The following CDKAL1 variants were observed in gnomAD, a reference collection of about 807,000 sequenced individuals.
The protein encoded by CDKAL1 is threonylcarbamoyladenosine tRNA methylthiotransferase.
A neutral mutation model predicts 68.2 loss-of-function variants in CDKAL1; 32 were observed. The observed-to-expected ratio is 0.47, with a 90% confidence interval of 0.35 to 0.63. The LOEUF is 0.63. Ranked by LOEUF, CDKAL1 falls within the 30% of genes least tolerant of loss-of-function variation. The pLI is 0.00. For missense variants in CDKAL1, 606 were observed against 696.7 expected, an observed-to-expected ratio of 0.87 and a Z score of 1.47; for synonymous variants, 234 against 244.3, an observed-to-expected ratio of 0.96 and a Z score of 0.39.
chr6:21,162,887 C>G (rs1776984619), intron 13 of CDKAL1, among the ~76,000 whole-genome samples: 1 of 151,934 alleles, frequency 6.6e-6, no homozygotes, highest in Admixed American at 6.6e-5. Context: ...ATGATCACAC[C>G]TATGTATAGC....
chr6:20,855,528 T>C (rs1326623358), intron 9 of CDKAL1, among the ~76,000 whole-genome samples: 1 of 148,460 alleles, frequency 6.7e-6, no homozygotes, highest in East Asian at 2.0e-4. Context: ...TATTGGGTGC[T>C]AAGACAATAC....
At chr6:21,083,977 TA>T (rs1345929937) in intron 12 of CDKAL1, among the ~76,000 whole-genome samples, 1 of 152,222 alleles carries the variant, frequency 6.6e-6, no homozygotes, top group Admixed American at 6.5e-5. Context: ...TCGGCGATGC[TA>T]AATTTGATCA....
intron 8 of CDKAL1, among the ~76,000 whole-genome samples, chr6:20,799,028 G>A (rs1368417565): frequency 8.7e-6 from 1 of 115,002 alleles, no homozygotes; most frequent in African/African-American, 3.3e-5. Context: ...CCATATATTT[G>A]AAAAGAACTG....
At position 20,609,317 on chromosome 6, in the gene CDKAL1, C is replaced by G. The variant is rs1187644669; in HGVS notation, c.287-39976C>G. 6.0e-5 allele frequency among the ~76,000 whole-genome samples: 4 copies of G among 66,680 alleles called. No homozygotes were observed. In the South Asian group the frequency reaches 2.1e-3, roughly 35 times the overall value. The allele number at this position is 66,680 out of a possible 152,430, so 43.7% of individuals were successfully genotyped here. On this transcript the variant is annotated intron_variant, in intron 4 of 15. Coordinates refer to ENST00000274695, the MANE Select transcript of CDKAL1 (RefSeq NM_017774.3). ...CTCCTTCTCCTCCTCCTCCTCCCCCCTCCTCTCTCCCTCCTCCCTCTCTTT... is the reference window on the plus strand; with the variant it reads ...CTCCTTCTCCTCCTCCTCCTCCCCCGTCCTCTCTCCCTCCTCCCTCTCTTT...
At chr6:21,095,489 G>A (rs560148492) in intron 12 of CDKAL1, among the ~76,000 whole-genome samples, 38 of 152,304 alleles carry the variant, frequency 2.5e-4, no homozygotes, top group South Asian at 1.7e-3. Context: ...TAGAATGGGT[G>A]CAAGGGGAAA....
intron 9 of CDKAL1, among the ~76,000 whole-genome samples, chr6:20,881,401 A>G (rs1182763293): frequency 1.3e-5 from 2 of 152,230 alleles, no homozygotes; most frequent in African/African-American, 4.8e-5. Flanking sequence ...TGATATATAA[A>G]TTGATAAACT....
intron 9 of CDKAL1, among the ~76,000 whole-genome samples, chr6:20,862,791 CT>C (rs1759714761): frequency 6.6e-6 from 1 of 152,154 alleles, no homozygotes; most frequent in African/African-American, 2.4e-5. Context: ...CTTTGGGAGG[CT>C]GAGGTGGGTG....
At chr6:21,038,725 T>G (rs1582076461) in intron 11 of CDKAL1, among the ~76,000 whole-genome samples, 1 of 152,282 alleles carries the variant, frequency 6.6e-6, no homozygotes, top group African/African-American at 2.4e-5. Context: ...TAATGTATTT[T>G]ATGTATGGCC....
At chr6:20,731,308 A>C (rs988556149) in intron 5 of CDKAL1, among the ~76,000 whole-genome samples, 3 of 152,222 alleles carry the variant, frequency 2.0e-5, no homozygotes, top group Non-Finnish European at 4.4e-5. Context: ...AAGGGAATGA[A>C]GATGGAAGGC....
At chr6:20,977,887 A>G (rs929243253) in intron 10 of CDKAL1, among the ~76,000 whole-genome samples, 8 of 152,092 alleles carry the variant, frequency 5.3e-5, no homozygotes, top group Non-Finnish European at 1.2e-4. Flanking sequence ...CAAAATATTA[A>G]TGATAATAAT....
chr6:21,191,336 C>CT (rs1778228391), intron 13 of CDKAL1, among the ~76,000 whole-genome samples: 1 of 152,118 alleles, frequency 6.6e-6, no homozygotes, highest in Non-Finnish European at 1.5e-5. Flanking sequence ...ATGGTTAGAA[C>CT]TGATGTTTTT....
intron 4 of CDKAL1, among the ~76,000 whole-genome samples, chr6:20,557,050 A>AAAAAAT (rs1554149925): frequency 1.1e-5 from 1 of 88,906 alleles, no homozygotes; most frequent in African/African-American, 3.5e-5. Flanking sequence ...TCAAAAAAAA[A>AAAAAAT]AAATAAATAA....
chr6:20,992,088 C>T (rs1466080036), intron 10 of CDKAL1, among the ~76,000 whole-genome samples: 2 of 130,478 alleles, frequency 1.5e-5, no homozygotes, highest in East Asian at 2.2e-4. Flanking sequence ...AATGCAGTGG[C>T]GCAATCTTGG....
At chr6:20,583,794 A>G (rs184256867) in intron 4 of CDKAL1, among the ~76,000 whole-genome samples, 1 of 121,546 alleles carries the variant, frequency 8.2e-6, no homozygotes. Context: ...GCCCCCCCCC[A>G]CTAGTTTCAG....
chr6:20,692,584 C>T (rs1020324598), intron 5 of CDKAL1, among the ~76,000 whole-genome samples: 1 of 152,022 alleles, frequency 6.6e-6, no homozygotes. Flanking sequence ...GGTTCAAAAT[C>T]ACAAAAACCA....
chr6:21,018,103 C>G (rs1037748323), intron 11 of CDKAL1, among the ~76,000 whole-genome samples: 23 of 152,124 alleles, frequency 1.5e-4, no homozygotes, highest in Non-Finnish European at 2.5e-4. Context: ...TACAGTCTCC[C>G]TGGGGTAAAC....
chr6:20,562,832 T>C (rs1764320738), intron 4 of CDKAL1, among the ~76,000 whole-genome samples: 1 of 152,178 alleles, frequency 6.6e-6, no homozygotes, highest in East Asian at 1.9e-4. Flanking sequence ...AATTCTCATG[T>C]CCTATACGGT....
At chr6:21,007,152 G>A (rs1767770342) in intron 11 of CDKAL1, among the ~76,000 whole-genome samples, 1 of 152,070 alleles carries the variant, frequency 6.6e-6, no homozygotes, top group African/African-American at 2.4e-5. Context: ...AGAAAGAGTT[G>A]TTGAGGCCAG....
chr6:20,626,191 C>T (rs1767425013), intron 4 of CDKAL1, among the ~76,000 whole-genome samples: 1 of 151,958 alleles, frequency 6.6e-6, no homozygotes, highest in African/African-American at 2.4e-5. Flanking sequence ...TCTTTTTTTC[C>T]AATGCCTCTG....
Sources: gnomAD v4.1 joint callset for allele counts (sites outside exome capture counted in the v4.1 genomes callset) on GRCh38, gnomAD v4.1.1 for gene constraint, MANE v1.5 for transcripts, NCBI Gene and HGNC (gene_info 2026-07-23, HGNC 2026-07-21) for gene names.